Variants in MTRR observed in about 807,000 individuals in gnomAD.
MTRR encodes 5-methyltetrahydrofolate-homocysteine methyltransferase reductase, also known as methionine synthase reductase.
Under a neutral mutation model 79.2 loss-of-function variants are expected in MTRR, and 63 were observed. That is an observed-to-expected ratio of 0.80 (90% CI 0.65 to 0.98). MTRR has a LOEUF of 0.98. Ranked by LOEUF, MTRR falls within the 50% of genes least tolerant of loss-of-function variation. The probability of loss-of-function intolerance (pLI) is 0.00; values close to 1 mark genes in which losing one functional copy is unlikely to be tolerated. For synonymous variants in MTRR, 355 were observed against 313.3 expected (o/e 1.13, Z -1.41); for missense variants, 895 against 839.6 (o/e 1.07, Z -0.82).
At chr5:7,865,397 C>T (rs1222678601), upstream of MTRR, among the ~76,000 whole-genome samples, 1 of 152,098 alleles carries the variant, frequency 6.6e-6, no homozygotes, top group Non-Finnish European at 1.5e-5. Flanking sequence ...TCTGATTCTA[C>T]ATAAGGAATG....
At chr5:7,896,534 C>A in intron 12 of MTRR, 1 of 362,670 alleles carries the variant, frequency 2.8e-6, no homozygotes, top group Non-Finnish European at 5.2e-6. Flanking sequence ...GCCACTTTTC[C>A]ATAGTACAAG....
intron 3 of MTRR, among the ~76,000 whole-genome samples, 196 bp downstream of exon 3, chr5:7,873,722 C>T (rs1165884917): frequency 1.3e-5 from 2 of 152,186 alleles, no homozygotes; most frequent in Non-Finnish European, 2.9e-5. Context: ...AGAGCCACAC[C>T]TCTGCAGAAC....
intron 1 of MTRR, chr5:7,857,017 G>C (rs1241789381): frequency 6.6e-6 from 1 of 152,036 alleles, no homozygotes; most frequent in Non-Finnish European, 1.5e-5. Flanking sequence ...CTCTCCTCCA[G>C]AGATCCTCTA....
chr5:7,900,069 TAAAG>T lies in MTRR; in HGVS notation c.*17_*20del, dbSNP rs752235003. 8.6e-5 allele frequency: 138 copies of T among 1,613,008 alleles called. No individual in the cohort carries two copies. In the African/African-American group the frequency reaches 1.3e-3, roughly 15 times the overall value. ...GATATTTGGTCATAAAACCAGAAAT[TAAAG>T]AAAGAGGATTAAGCTTTTTTGACTG... On this transcript the variant is annotated 3_prime_UTR_variant, in exon 15 of 15. Coordinates refer to ENST00000440940, the MANE Select transcript of MTRR (RefSeq NM_002454.3).
At chr5:7,865,074 C>T (rs1198084414), upstream of MTRR, among the ~76,000 whole-genome samples, 1 of 152,132 alleles carries the variant, frequency 6.6e-6, no homozygotes, top group East Asian at 1.9e-4. Flanking sequence ...CCATGATATA[C>T]TGCGCATAAA....
At chr5:7,850,976 T>A (rs775136159), upstream of MTRR, 194 of 1,309,920 alleles carry the variant, frequency 1.5e-4, 2 homozygotes, top group Non-Finnish European at 9.7e-6. Flanking sequence ...GGCCTGGGCT[T>A]GCCCCGCAGC....
chr5:7,875,325 G>A lies in MTRR; in HGVS notation c.351G>A (p.Glu117=). Reference sequence around the variant, plus strand: ...AGATAATTGATAAACGACTTCAAGAGCTTGGAGCCCGGCATTTCTATGACA... The same window carrying A: ...AGATAATTGATAAACGACTTCAAGAACTTGGAGCCCGGCATTTCTATGACA... ...GGKIIDKRLQ[E]LGARHFYDTG... The change falls in exon 4 of 15, where the codon GAG becomes GAA. Residue 117 remains glutamate, a synonymous_variant. Coordinates refer to ENST00000440940, the MANE Select transcript of MTRR (RefSeq NM_002454.3). 1 of 1,614,018 alleles carries A rather than the reference G, an allele frequency of 6.2e-7. No homozygotes were observed. Among genetic ancestry groups the A allele is most frequent in the Non-Finnish European group, 8.5e-7 (1 of 1,179,978 alleles).
In MTRR at chr5:7,892,715, G is replaced by GT; in HGVS notation, c.1371-11dup. ...GATATCGAGTTCAAAACTTGTCTGTGTATCTTTGCAGCTCAAGTTTATTTC... is the reference window on the plus strand; with the variant it reads ...GATATCGAGTTCAAAACTTGTCTGTGTTATCTTTGCAGCTCAAGTTTATTTC... On this transcript the variant is annotated splice_polypyrimidine_tract_variant and intron_variant, in intron 10 of 14. Coordinates refer to ENST00000440940, the MANE Select transcript of MTRR (RefSeq NM_002454.3). The GT allele has an allele frequency of 1.9e-6, 3 of 1,614,136 alleles. No homozygotes were observed. The highest frequency in any genetic ancestry group is 2.5e-6 in the Non-Finnish European group (3 of 1,179,974).
chr5:7,892,816 G>GA lies in MTRR; in HGVS notation c.1461dup (p.Val488SerfsTer23). The GA allele has an allele frequency of 1.9e-6, 3 of 1,614,178 alleles. No individual in the cohort carries two copies. The highest frequency in any genetic ancestry group is 2.5e-6 in the Non-Finnish European group (3 of 1,180,028). On this transcript the variant is annotated frameshift_variant, in exon 11 of 15. Transcript: ENST00000440940. LOFTEE classifies it high-confidence loss of function. ...GCCACAACAGAGGTTCTGCGGAAGG[G>GA]AGTATGTACAGGCTGGCTGGCCTTG...
chr5:7,878,535 A>C (rs1290463772), intron 5 of MTRR, among the ~76,000 whole-genome samples: 2 of 152,270 alleles, frequency 1.3e-5, no homozygotes, highest in East Asian at 3.8e-4. Flanking sequence ...GAGCTGCAAT[A>C]GCAGAGTTAG....
intron 1 of MTRR, chr5:7,869,571 G>A: frequency 3.6e-6 from 1 of 278,380 alleles, no homozygotes; most frequent in Non-Finnish European, 7.0e-6. Flanking sequence ...GGTTGGGGCG[G>A]CGCGCTCCGG....
upstream of MTRR, chr5:7,867,699 T>C: frequency 4.3e-6 from 7 of 1,614,226 alleles, no homozygotes; most frequent in Non-Finnish European, 5.9e-6. Context: ...CCTGCTGCCA[T>C]AGTGTCAGGC....
At chr5:7,892,246 G>A (rs985409696) in intron 10 of MTRR, among the ~76,000 whole-genome samples, 2 of 152,160 alleles carry the variant, frequency 1.3e-5, no homozygotes, top group Non-Finnish European at 1.5e-5. Context: ...ACCGTGTAAT[G>A]TGAAAAGAAA....
intron 11 of MTRR, 81 bp downstream of exon 11, chr5:7,892,994 C>T: frequency 6.9e-7 from 1 of 1,451,276 alleles, no homozygotes; most frequent in Non-Finnish European, 9.5e-7. Context: ...GTCTCACCCA[C>T]ATCATTCATT....
intron 6 of MTRR, among the ~76,000 whole-genome samples, chr5:7,884,271 C>T (rs1002232381): frequency 1.3e-5 from 2 of 152,166 alleles, no homozygotes; most frequent in African/African-American, 4.8e-5. Flanking sequence ...ATTATGGACT[C>T]TCCCAAAAAA....
chr5:7,875,900 A>C (rs1482955886), intron 4 of MTRR, among the ~76,000 whole-genome samples: 1 of 152,094 alleles, frequency 6.6e-6, no homozygotes, highest in East Asian at 1.9e-4. Context: ...TTATCTTTTC[A>C]TTACTTTTAT....
At chr5:7,896,608 T>A (rs867473685) in intron 12 of MTRR, 3 of 545,380 alleles carry the variant, frequency 5.5e-6, no homozygotes, top group Middle Eastern at 5.0e-4. Context: ...GATCTCACAG[T>A]GTGATACTTT....
upstream of MTRR, chr5:7,866,732 A>C (rs771507171): frequency 4.3e-6 from 7 of 1,613,772 alleles, no homozygotes; most frequent in South Asian, 1.1e-5. Context: ...TGAATGAAGA[A>C]GTTTCAATAA....
At position 7,899,990 on chromosome 5, in the gene MTRR, C is replaced by T; in HGVS notation, c.2029C>T (p.Leu677=). ...IISKEVGVEK[L]EAMKTLATLK... is the part of the protein sequence containing the mutation. ...AAGCAAAGAGGTTGGAGTTGAAAAA[C>T]TAGAAGCAATGAAAACCCTGGCCAC... Residue 677 remains leucine (L), a synonymous_variant, in exon 15 of 15, where the codon CTA becomes TTA. Coordinates refer to ENST00000440940, the MANE Select transcript of MTRR (RefSeq NM_002454.3). 6.2e-7 allele frequency: 1 copy of T among 1,614,068 alleles called. No individual in the cohort carries two copies. The highest frequency in any genetic ancestry group is 1.1e-5 in the South Asian group (1 of 91,080).
Sources: gnomAD v4.1 joint callset for allele counts (sites outside exome capture counted in the v4.1 genomes callset) on GRCh38, gnomAD v4.1.1 for gene constraint, MANE v1.5 for transcripts, NCBI Gene and HGNC (gene_info 2026-07-23, HGNC 2026-07-21) for gene names.